Variants in ATP11A observed in about 807,000 individuals in gnomAD.
The protein encoded by ATP11A is ATPase phospholipid transporting 11A.
ATP11A carries 81 observed loss-of-function variants against 154.4 expected under a neutral mutation model. The observed-to-expected ratio is 0.52, with a 90% CI of 0.44 to 0.63. ATP11A has a LOEUF of 0.63. ATP11A is among the 30% of genes least tolerant of loss of function. The probability of loss-of-function intolerance (pLI) is 0.00; values close to 1 mark genes in which losing one functional copy is unlikely to be tolerated. For missense variants in ATP11A, 1,316 were observed against 1,474.3 expected (o/e 0.89, Z 1.76); for synonymous variants, 623 against 585.9 (o/e 1.06, Z -0.91).
At position 112,789,996 on chromosome 13, in the gene ATP11A, A is replaced by G. The variant is rs149789537; in HGVS notation, c.162+4739A>G. On this transcript the variant is annotated intron_variant, in intron 2 of 29. Transcript: ENST00000375645. ...TCCTGGCGTGTAAACCCCTGTGTAG[A>G]TCTACTTAATTCACACCCAGCATCC... Among the ~76,000 whole-genome samples, 84 of 150,430 alleles carry G rather than the reference A, an allele frequency of 5.6e-4. 1 individual carries two copies. In the East Asian group the frequency reaches 0.017, roughly 30 times the overall value.
intron 28 of ATP11A, among the ~76,000 whole-genome samples, chr13:112,877,124 G>C (rs1276247662): frequency 3.3e-5 from 5 of 152,198 alleles, no homozygotes; most frequent in Non-Finnish European, 5.9e-5. Context: ...CCACTGACTC[G>C]GGGGCCACAG....
At chr13:112,876,628 A>G (rs1030908874) in intron 28 of ATP11A, among the ~76,000 whole-genome samples, 1 of 152,226 alleles carries the variant, frequency 6.6e-6, no homozygotes, top group Non-Finnish European at 1.5e-5. Flanking sequence ...CAAGTTTTCA[A>G]GTTTCATCCC....
intron 1 of ATP11A, among the ~76,000 whole-genome samples, chr13:112,703,990 G>A (rs1040570414): frequency 4.6e-5 from 7 of 152,156 alleles, no homozygotes; most frequent in African/African-American, 1.2e-4. Context: ...GTTCACCTGC[G>A]TGTGTGGAGG....
chr13:112,716,732 G>C (rs907353977), intron 1 of ATP11A, among the ~76,000 whole-genome samples: 1 of 152,202 alleles, frequency 6.6e-6, no homozygotes, highest in Non-Finnish European at 1.5e-5. Flanking sequence ...AGCCAGTGAC[G>C]GGGCCCATCC....
intron 25 of ATP11A, among the ~76,000 whole-genome samples, chr13:112,865,804 G>A (rs1011686544): frequency 5.9e-5 from 9 of 152,236 alleles, no homozygotes; most frequent in African/African-American, 2.2e-4. Flanking sequence ...GCCCGCCTTG[G>A]CCTCCCGAAG....
chr13:112,718,044 G>C (rs1203259710), intron 1 of ATP11A, among the ~76,000 whole-genome samples: 1 of 152,210 alleles, frequency 6.6e-6, no homozygotes, highest in Non-Finnish European at 1.5e-5. Context: ...CCACTGCACT[G>C]CAGCCTGAGT....
At chr13:112,872,970 C>T (rs2080578314) in intron 26 of ATP11A, among the ~76,000 whole-genome samples, 1 of 126,386 alleles carries the variant, frequency 7.9e-6, no homozygotes, top group Non-Finnish European at 1.7e-5. Context: ...GTGGCTTTGT[C>T]TTCCTGAGCG....
intron 1 of ATP11A, among the ~76,000 whole-genome samples, chr13:112,693,372 T>C (rs1191181750): frequency 6.6e-6 from 1 of 151,584 alleles, no homozygotes; most frequent in Non-Finnish European, 1.5e-5. Flanking sequence ...GTGTATGTGC[T>C]GTGGGGTAGT....
At position 112,878,530 on chromosome 13, in the gene ATP11A, G is replaced by A. The variant is rs1594261930; in HGVS notation, c.*9+227G>A. Reference sequence around the variant, plus strand: ...ACAGTTAACCAGGGTTTCTCCCTCAGCGTCCGTGCAGCCTCAGAACCCACC... The same window carrying A: ...ACAGTTAACCAGGGTTTCTCCCTCAACGTCCGTGCAGCCTCAGAACCCACC... On this transcript the variant is annotated intron_variant, in intron 29 of 29. Transcript: ENST00000375645. 1.0e-5 allele frequency: 6 copies of A among 593,858 alleles called. No homozygotes were observed. In the South Asian group the frequency reaches 1.2e-4, roughly 12 times the overall value. 36.8% of individuals were successfully genotyped at this position (593,858 alleles called of 1,614,324 possible). A position where few individuals can be genotyped will look rare whatever the true frequency, so the allele number is the denominator to read the frequency against.
chr13:112,700,156 ATC>A (rs540900590), intron 1 of ATP11A, among the ~76,000 whole-genome samples: 9 of 151,594 alleles, frequency 5.9e-5, no homozygotes, highest in Non-Finnish European at 1.3e-4. Context: ...AAACGATTTG[ATC>A]AAAGGCATAA....
chr13:112,755,194 A>G (rs779527095), intron 1 of ATP11A, among the ~76,000 whole-genome samples: 1 of 152,096 alleles, frequency 6.6e-6, no homozygotes, highest in Non-Finnish European at 1.5e-5. Flanking sequence ...AAGCATTCTC[A>G]GTTCATGGAC....
intron 2 of ATP11A, among the ~76,000 whole-genome samples, chr13:112,803,746 T>C (rs1474314352): frequency 3.4e-5 from 3 of 89,468 alleles, no homozygotes; most frequent in Admixed American, 1.3e-4. Flanking sequence ...CTTCCCCTCC[T>C]TCTCTCATTC....
chr13:112,708,058 A>G (rs560262909), intron 1 of ATP11A, among the ~76,000 whole-genome samples: 1 of 152,124 alleles, frequency 6.6e-6, no homozygotes, highest in Non-Finnish European at 1.5e-5. Context: ...CGCAACCAAC[A>G]CTTCAAAAGT....
At chr13:112,751,238 T>A (rs1255832274) in intron 1 of ATP11A, among the ~76,000 whole-genome samples, 2 of 152,254 alleles carry the variant, frequency 1.3e-5, no homozygotes, top group African/African-American at 4.8e-5. Context: ...TTGGTATTGT[T>A]TGTTTACTGC....
chr13:112,703,188 AG>A (rs747865459), intron 1 of ATP11A: 2 of 152,240 alleles, frequency 1.3e-5, no homozygotes, highest in Admixed American at 6.5e-5. Flanking sequence ...AAATCAGATC[AG>A]GGTGTCTGCA....
chr13:112,734,933 G>C (rs1762216918), intron 1 of ATP11A, among the ~76,000 whole-genome samples: 1 of 152,180 alleles, frequency 6.6e-6, no homozygotes, highest in Non-Finnish European at 1.5e-5. Flanking sequence ...GGGAGTGCCA[G>C]GAGACAGAGA....
At chr13:112,845,701 T>A (rs9550228) in intron 17 of ATP11A, among the ~76,000 whole-genome samples, 10 of 42,690 alleles carry the variant, frequency 2.3e-4, no homozygotes, top group African/African-American at 1.7e-3. Flanking sequence ...GTCCAGTTGC[T>A]GGCACTAGCG....
At chr13:112,788,870 C>T (rs549137943) in intron 2 of ATP11A, among the ~76,000 whole-genome samples, 1 of 151,790 alleles carries the variant, frequency 6.6e-6, no homozygotes, top group East Asian at 2.0e-4. Flanking sequence ...ACCCGGCATC[C>T]TGACGTGTAG....
intron 1 of ATP11A, among the ~76,000 whole-genome samples, chr13:112,693,246 A>C (rs1409312343): frequency 3.9e-5 from 6 of 152,092 alleles, no homozygotes; most frequent in Non-Finnish European, 7.4e-5. Flanking sequence ...GTATTTGTAA[A>C]TGGTGCCGTG....
Sources: gnomAD v4.1 joint callset for allele counts (sites outside exome capture counted in the v4.1 genomes callset) on GRCh38, gnomAD v4.1.1 for gene constraint, MANE v1.5 for transcripts, NCBI Gene and HGNC (gene_info 2026-07-23, HGNC 2026-07-21) for gene names.